Variants in SLC35D2 observed in about 807,000 individuals in gnomAD.
The protein encoded by SLC35D2 is nucleotide sugar transporter SLC35D2.
SLC35D2 carries 43 observed loss-of-function variants against 41.8 expected under a neutral mutation model. That is an observed-to-expected ratio of 1.03 (90% CI 0.81 to 1.33). The LOEUF is 1.33. Among genes scored for constraint, SLC35D2 ranks in the 40% most tolerant of loss-of-function variants. The pLI, the probability that SLC35D2 is intolerant of heterozygous loss-of-function variation, is 0.00. For missense variants in SLC35D2, 380 were observed against 408.4 expected (o/e 0.93, Z 0.60); for synonymous variants, 150 against 163.9 (o/e 0.92, Z 0.65).
At position 96,360,197 on chromosome 9, in the gene SLC35D2, C is replaced by T. The variant is rs78359888; in HGVS notation, c.304G>A (p.Val102Ile). The T allele has an allele frequency of 1.4e-5, 23 of 1,611,756 alleles. No individual in the cohort carries two copies. The highest frequency in any genetic ancestry group is 1.1e-4 in the African/African-American group (8 of 74,670). Residue 102 changes from valine to isoleucine, a missense_variant, in exon 4 of 12, where the codon GTT becomes ATT. Coordinates refer to ENST00000253270, the MANE Select transcript of SLC35D2 (RefSeq NM_007001.3). ...VKLFPLPLLY[V>I]GNHISGLSST... ...GATAATCCACTTATGTGGTTTCCAACGTAGAGGAGAGGCAGAGGAAACAGC... is the reference window on the plus strand; with the variant it reads ...GATAATCCACTTATGTGGTTTCCAATGTAGAGGAGAGGCAGAGGAAACAGC...
chr9:96,327,672 A>T (rs1587834562), intron 9 of SLC35D2, among the ~76,000 whole-genome samples: 1 of 149,160 alleles, frequency 6.7e-6, no homozygotes, highest in East Asian at 2.0e-4. Flanking sequence ...CCCAGGCTGG[A>T]GCGCAGTGGT....
chr9:96,376,590 C>G (rs1037043506), intron 1 of SLC35D2, among the ~76,000 whole-genome samples: 3 of 151,782 alleles, frequency 2.0e-5, no homozygotes, highest in Non-Finnish European at 4.4e-5. Flanking sequence ...GCCTGGGCAA[C>G]AGAGAGAGAC....
chr9:96,315,626 G>A (rs1033946689), intron 11 of SLC35D2, among the ~76,000 whole-genome samples: 11 of 151,876 alleles, frequency 7.2e-5, no homozygotes, highest in Admixed American at 5.9e-4. Context: ...GTAGTGACGG[G>A]GTTTCACCAT....
chr9:96,337,767 A>T (rs1829112643), intron 8 of SLC35D2, among the ~76,000 whole-genome samples: 2 of 151,708 alleles, frequency 1.3e-5, no homozygotes, highest in Admixed American at 6.6e-5. Context: ...AGATCACCTG[A>T]GGTCAGGAGT....
chr9:96,344,343 A>G (rs1331157017), intron 7 of SLC35D2, among the ~76,000 whole-genome samples: 1 of 152,006 alleles, frequency 6.6e-6, no homozygotes, highest in Non-Finnish European at 1.5e-5. Context: ...AAAAATGTTA[A>G]TATAAACAAA....
At chr9:96,383,400 G>A in intron 1 of SLC35D2, 77 bp downstream of exon 1, 4 of 1,241,000 alleles carry the variant, frequency 3.2e-6, no homozygotes, top group Non-Finnish European at 4.3e-6. Context: ...GCCCTGTCCC[G>A]GGCGCCGCTG....
intron 4 of SLC35D2, among the ~76,000 whole-genome samples, chr9:96,355,001 C>T (rs1346186993): frequency 6.6e-6 from 1 of 150,502 alleles, no homozygotes; most frequent in East Asian, 2.0e-4. Flanking sequence ...AGGTTGAGAG[C>T]AGCCTGGGCA....
intron 3 of SLC35D2, among the ~76,000 whole-genome samples, chr9:96,364,064 C>T (rs530959874): frequency 3.3e-5 from 5 of 152,244 alleles, no homozygotes; most frequent in East Asian, 3.9e-4. Flanking sequence ...ACCTGTAATC[C>T]GAGCACTTTG....
chr9:96,331,291 G>T (rs930331734), intron 9 of SLC35D2, among the ~76,000 whole-genome samples: 1 of 152,114 alleles, frequency 6.6e-6, no homozygotes, highest in Non-Finnish European at 1.5e-5. Context: ...ATGCGTGATT[G>T]CCTCCTCCTT....
intron 1 of SLC35D2, among the ~76,000 whole-genome samples, chr9:96,374,685 A>C (rs991653742): frequency 6.7e-6 from 1 of 150,242 alleles, no homozygotes; most frequent in South Asian, 2.1e-4. Context: ...AAATAAAAAA[A>C]AAATTAGCCG....
intron 3 of SLC35D2, among the ~76,000 whole-genome samples, chr9:96,360,777 T>C (rs771597685): frequency 6.3e-4 from 96 of 152,166 alleles, no homozygotes; most frequent in Non-Finnish European, 6.0e-4. Context: ...GTTTTGCTCT[T>C]ATTGCCCAGG....
chr9:96,340,669 C>T (rs1434947283), intron 8 of SLC35D2, among the ~76,000 whole-genome samples: 1 of 146,160 alleles, frequency 6.8e-6, no homozygotes, highest in Non-Finnish European at 1.5e-5. Context: ...ATTTTTAACT[C>T]CATGACTTGA....
intron 1 of SLC35D2, among the ~76,000 whole-genome samples, chr9:96,383,035 T>C (rs934412962): frequency 3.3e-5 from 5 of 152,212 alleles, no homozygotes; most frequent in African/African-American, 4.8e-5. Context: ...TTCCAATTGT[T>C]TTCCCGAGTT....
chr9:96,359,490 G>C (rs975611995), intron 4 of SLC35D2, among the ~76,000 whole-genome samples: 1 of 151,802 alleles, frequency 6.6e-6, no homozygotes, highest in African/African-American at 2.4e-5. Flanking sequence ...AGGAGTTCAA[G>C]ACAAGCCTGG....
intron 9 of SLC35D2, among the ~76,000 whole-genome samples, chr9:96,326,900 C>CTATT (rs1828560687): frequency 1.3e-5 from 2 of 152,000 alleles, no homozygotes; most frequent in South Asian, 4.1e-4. Context: ...ATAAATAATC[C>CTATT]TATTTATCCA....
At chr9:96,358,080 T>TTATATATATATATATATATATAAATA (rs1554715406) in intron 4 of SLC35D2, among the ~76,000 whole-genome samples, 1 of 122,712 alleles carries the variant, frequency 8.1e-6, no homozygotes, top group African/African-American at 3.9e-5. Context: ...ATTATATATT[T>TTATATATATATATATATATATAAATA]TATATATATA....
chr9:96,324,583 C>T (rs75499043), intron 9 of SLC35D2, among the ~76,000 whole-genome samples: 8,128 of 124,226 alleles, frequency 0.065, 846 homozygotes, highest in East Asian at 0.18. Flanking sequence ...GACGGAGTCT[C>T]GCTCTGTCAC....
At chr9:96,340,619 CAAAAAAAAAAAAAAAAAA>C (rs57501812) in intron 8 of SLC35D2, among the ~76,000 whole-genome samples, 4 of 35,366 alleles carry the variant, frequency 1.1e-4, no homozygotes, top group Non-Finnish European at 1.4e-4. Context: ...GACTCCATCT[CAAAAAAAAAAAAAAAAAA>C]AAAAAAAAAA....
At chr9:96,346,562 G>C (rs1188751014) in intron 6 of SLC35D2, among the ~76,000 whole-genome samples, 1 of 152,126 alleles carries the variant, frequency 6.6e-6, no homozygotes, top group African/African-American at 2.4e-5. Flanking sequence ...CTGATCTGTT[G>C]ATTCTCAATC....
Sources: gnomAD v4.1 joint callset for allele counts (sites outside exome capture counted in the v4.1 genomes callset) on GRCh38, gnomAD v4.1.1 for gene constraint, MANE v1.5 for transcripts, NCBI Gene and HGNC (gene_info 2026-07-23, HGNC 2026-07-21) for gene names.